BSCL2: variants seen among roughly 807,000 people sequenced by gnomAD.
BSCL2 encodes the protein seipin.
In BSCL2, 41 loss-of-function variants were observed where a neutral mutation model predicts 57.4. The ratio of observed to expected loss-of-function variants is 0.71; its 90% CI spans 0.56 to 0.93. The LOEUF (loss-of-function observed/expected upper bound fraction) is 0.93, where lower values mean the gene tolerates loss of function less well. Among genes scored for constraint, BSCL2 ranks in the 40% least tolerant of loss-of-function variants. The pLI, the probability that BSCL2 is intolerant of heterozygous loss-of-function variation, is 0.00. For missense variants in BSCL2, 539 were observed against 586.7 expected (o/e 0.92, Z 0.84); for synonymous variants, 237 against 227.3 (o/e 1.04, Z -0.38).
At chr11:62,693,757 A>G (rs575134) in intron 4 of BSCL2, among the ~76,000 whole-genome samples, 148,024 of 152,216 alleles carry the variant, frequency 0.97, 72,100 homozygotes, top group East Asian at 1. Context: ...AAAGCTGGGC[A>G]TGCTCCTGAG....
chr11:62,706,180 G>T, intron 1 of BSCL2: 4 of 1,040,136 alleles, frequency 3.8e-6, no homozygotes, highest in Non-Finnish European at 4.7e-6. Flanking sequence ...CTCGGGGGTG[G>T]GCAAAGCGCC....
intron 1 of BSCL2, 123 bp downstream of exon 1, chr11:62,706,986 C>G: frequency 1.2e-6 from 1 of 826,764 alleles, no homozygotes; most frequent in Non-Finnish European, 2.0e-6. Context: ...CTGCTGCGGG[C>G]GTGGGAAGTA....
In BSCL2 at chr11:62,690,666, G is replaced by A. The variant is rs1945283432; in HGVS notation, c.1180C>T (p.Pro394Ser). ...TCTCCGCTCAGGGGCTGCTGATCTG[G>A]TTTCTCCTCCTCGGACAGCTGACCC... ...TEGQLSEEEK[P>S]DQQPLSGEEE... The change falls in exon 10 of 11, where the codon CCA becomes TCA. Residue 394 changes from proline (P) to serine (S), a missense_variant. By Grantham distance (74) the Pro-to-Ser change is moderately conservative (BLOSUM62 -1). Coordinates refer to ENST00000360796, the MANE Select transcript of BSCL2 (RefSeq NM_001122955.4). 4 of 1,613,768 alleles carry A rather than the reference G, an allele frequency of 2.5e-6. No individual in the cohort carries two copies. The highest frequency in any genetic ancestry group is 1.3e-5 in the African/African-American group (1 of 74,948).
At chr11:62,693,604 A>T (rs681314) in intron 4 of BSCL2, among the ~76,000 whole-genome samples, 108,444 of 152,034 alleles carry the variant, frequency 0.71, 39,593 homozygotes, top group Admixed American at 0.81. Context: ...TTACTATTAT[A>T]CCCATTTTAT....
Position 62,692,654 on chromosome 11 carries a change from C to T in BSCL2, c.765+9G>A. ...TCTCCTAGTCATAAAGCTCGTTCACCTCACTCACCGAGTTCTCTCTATAGT... is the reference window on the plus strand; with the variant it reads ...TCTCCTAGTCATAAAGCTCGTTCACTTCACTCACCGAGTTCTCTCTATAGT... On this transcript the variant is annotated intron_variant, in intron 5 of 10. Transcript: ENST00000360796. 1 of 1,614,002 alleles carries T rather than the reference C, an allele frequency of 6.2e-7. No individual in the cohort carries two copies. Among genetic ancestry groups the T allele is most frequent in the East Asian group, 2.2e-5 (1 of 44,880 alleles).
intron 3 of BSCL2, 90 bp from the exon 4 acceptor site, chr11:62,694,801 C>T (rs1362733622): frequency 6.2e-6 from 9 of 1,443,772 alleles, no homozygotes; most frequent in East Asian, 4.9e-5. Flanking sequence ...CCCCGCAACG[C>T]CCCCAAATAC....
At chr11:62,705,876 CTTGA>C (rs1406707420) in intron 1 of BSCL2, 1 of 504,568 alleles carries the variant, frequency 2.0e-6, no homozygotes, top group Non-Finnish European at 3.5e-6. Flanking sequence ...GACAAACCAC[CTTGA>C]TTCTCATTCA....
At chr11:62,702,655 G>T in intron 2 of BSCL2, 106 bp from the exon 3 acceptor site, 2 of 842,870 alleles carry the variant, frequency 2.4e-6, no homozygotes, top group Non-Finnish European at 3.9e-6. Flanking sequence ...CCTTCTCTCA[G>T]AACAGGCACC....
rs564980539 is a variant in BSCL2 at position 62,690,766 on chromosome 11, A to T, written c.1153+21T>A. The T allele has an allele frequency of 2.9e-4, 470 of 1,613,718 alleles. 1 individual carries two copies. Among genetic ancestry groups the T allele is most frequent in the South Asian group, 1.4e-3 (125 of 91,088 alleles). ...AAAGCCAAGGAGTCAGGAAGGAGAG[A>T]GTGTGGTGGCTGCGCCATACCTGTC... On this transcript the variant is annotated intron_variant, in intron 9 of 10. Transcript: ENST00000360796.
At chr11:62,707,445 A>T, upstream of BSCL2, 1 of 694,088 alleles carries the variant, frequency 1.4e-6, no homozygotes, top group Non-Finnish European at 2.6e-6. Flanking sequence ...CCCCGCAGCC[A>T]GTACAGACTC....
chr11:62,696,502 C>T (rs572744313), intron 3 of BSCL2, among the ~76,000 whole-genome samples: 83 of 149,168 alleles, frequency 5.6e-4, no homozygotes, highest in African/African-American at 2.0e-3. Context: ...AGACAGGGGT[C>T]TTGCTTTGTT....
intron 1 of BSCL2, chr11:62,706,009 T>G: frequency 4.6e-6 from 1 of 215,526 alleles, no homozygotes; most frequent in Non-Finnish European, 9.1e-6. Flanking sequence ...TTGCCTAAGG[T>G]CGCACGGCCT....
intron 1 of BSCL2, chr11:62,706,338 T>A: frequency 8.9e-7 from 1 of 1,117,552 alleles, no homozygotes; most frequent in Admixed American, 4.9e-5. Context: ...CGCCGGCCGC[T>A]TTTGTAGCCG....
intron 1 of BSCL2, chr11:62,706,647 G>C (rs1001126910): frequency 8.4e-6 from 4 of 474,280 alleles, no homozygotes; most frequent in African/African-American, 8.0e-5. Flanking sequence ...CGAAGCGGCC[G>C]AGTGAGGCGG....
At chr11:62,698,750 T>C (rs1387046508) in intron 3 of BSCL2, among the ~76,000 whole-genome samples, 4 of 152,108 alleles carry the variant, frequency 2.6e-5, no homozygotes, top group Non-Finnish European at 4.4e-5. Context: ...TATTCCTCCC[T>C]CCCTCATGTG....
chr11:62,698,302 G>A (rs761625230), intron 3 of BSCL2, among the ~76,000 whole-genome samples: 12 of 151,630 alleles, frequency 7.9e-5, no homozygotes, highest in Non-Finnish European at 1.3e-4. Flanking sequence ...GGGTTCAAGC[G>A]ATTCTCCTGT....
intron 3 of BSCL2, among the ~76,000 whole-genome samples, chr11:62,698,313 CT>C (rs995086496): frequency 6.6e-6 from 1 of 152,138 alleles, no homozygotes; most frequent in African/African-American, 2.4e-5. Flanking sequence ...ATTCTCCTGT[CT>C]CAGCCTCCCA....
At chr11:62,698,295 T>A (rs1590877174) in intron 3 of BSCL2, among the ~76,000 whole-genome samples, 1 of 151,830 alleles carries the variant, frequency 6.6e-6, no homozygotes, top group Non-Finnish European at 1.5e-5. Flanking sequence ...GCCTCCTGGG[T>A]TCAAGCGATT....
At chr11:62,708,409 G>A, upstream of BSCL2, 1 of 1,579,992 alleles carries the variant, frequency 6.3e-7, no homozygotes, top group South Asian at 1.1e-5. Flanking sequence ...GTGGGACCCT[G>A]GCTGGCTCCC....
Sources: gnomAD v4.1 joint callset for allele counts (sites outside exome capture counted in the v4.1 genomes callset) on GRCh38, gnomAD v4.1.1 for gene constraint, MANE v1.5 for transcripts, NCBI Gene and HGNC (gene_info 2026-07-23, HGNC 2026-07-21) for gene names.